CSGALNACT2: variants seen among roughly 807,000 people sequenced by gnomAD.
CSGALNACT2 encodes the protein chondroitin sulfate N-acetylgalactosaminyltransferase 2.
A neutral mutation model predicts 55.3 loss-of-function variants in CSGALNACT2; 35 were observed. That is an observed-to-expected ratio of 0.63 (90% CI 0.48 to 0.84). CSGALNACT2 has a LOEUF of 0.84. Ranked by LOEUF, CSGALNACT2 falls within the 40% of genes least tolerant of loss-of-function variation. The pLI is 0.00. For synonymous variants in CSGALNACT2, 196 were observed against 224.9 expected (o/e 0.87, Z 1.15); for missense variants, 544 against 657.5 (o/e 0.83, Z 1.89).
intron 2 of CSGALNACT2, among the ~76,000 whole-genome samples, chr10:43,157,139 C>G (rs993186801): frequency 6.6e-6 from 1 of 152,190 alleles, no homozygotes; most frequent in Admixed American, 6.5e-5. Flanking sequence ...TTTCTGCAAG[C>G]TCAGCTTTTT....
intron 6 of CSGALNACT2, among the ~76,000 whole-genome samples, chr10:43,170,890 C>T (rs1178261073): frequency 3.3e-5 from 5 of 152,114 alleles, no homozygotes; most frequent in African/African-American, 2.4e-5. Context: ...TGCAGCAAGC[C>T]CACATTGAGG....
intron 6 of CSGALNACT2, among the ~76,000 whole-genome samples, chr10:43,174,071 C>T (rs1486646387): frequency 2.0e-5 from 3 of 151,966 alleles, no homozygotes; most frequent in Non-Finnish European, 4.4e-5. Context: ...TTATTCAACA[C>T]GTATTTATTG....
intron 7 of CSGALNACT2, among the ~76,000 whole-genome samples, chr10:43,182,808 G>A (rs1357845031): frequency 5.3e-5 from 8 of 150,536 alleles, no homozygotes; most frequent in Non-Finnish European, 7.4e-5. Flanking sequence ...CACGGAGGTC[G>A]ATGCTGCAGT....
At chr10:43,145,705 C>T (rs963937890) in intron 1 of CSGALNACT2, among the ~76,000 whole-genome samples, 1 of 152,102 alleles carries the variant, frequency 6.6e-6, no homozygotes, top group Non-Finnish European at 1.5e-5. Context: ...CCATGCCCAG[C>T]CTGATTTTTC....
At chr10:43,174,795 C>T (rs1839447757) in intron 6 of CSGALNACT2, among the ~76,000 whole-genome samples, 2 of 152,190 alleles carry the variant, frequency 1.3e-5, no homozygotes, top group South Asian at 4.1e-4. Context: ...ACTATTTTCC[C>T]ACCCAAACAA....
intron 6 of CSGALNACT2, among the ~76,000 whole-genome samples, chr10:43,168,673 GACACAC>G (rs55776451): frequency 0.42 from 62,387 of 147,724 alleles, 13,049 homozygotes; most frequent in Middle Eastern, 0.49. Context: ...AGTACACACA[GACACAC>G]ACACACACAC....
chr10:43,142,551 C>A (rs1838652378), intron 1 of CSGALNACT2, among the ~76,000 whole-genome samples: 1 of 152,178 alleles, frequency 6.6e-6, no homozygotes, highest in Non-Finnish European at 1.5e-5. Flanking sequence ...GCTTCATGAC[C>A]CATGAAAATT....
chr10:43,181,651 A>T (rs2435382), intron 7 of CSGALNACT2, among the ~76,000 whole-genome samples: 36,207 of 150,576 alleles, frequency 0.24, 4,526 homozygotes, highest in Non-Finnish European at 0.28. Context: ...GGTGGCTCGA[A>T]CTTGTGGTCC....
chr10:43,139,780 C>T lies in CSGALNACT2; in HGVS notation c.-254+1213C>T, dbSNP rs935918723. ...CTCAGCATATTGTTTGTGGGACACA[C>T]CCATGCTATTTCATGGTATTGTATT... On this transcript the variant is annotated intron_variant, in intron 1 of 7. Transcript: ENST00000374466. Among the ~76,000 whole-genome samples, 4 of 152,334 alleles carry T rather than the reference C, an allele frequency of 2.6e-5. No individual in the cohort carries two copies. In the East Asian group the frequency reaches 7.7e-4, roughly 29 times the overall value.
chr10:43,145,750 T>A (rs936728108), intron 1 of CSGALNACT2, among the ~76,000 whole-genome samples: 1 of 152,182 alleles, frequency 6.6e-6, no homozygotes, highest in African/African-American at 2.4e-5. Context: ...TAACCAAAGT[T>A]TACATTTGCA....
At position 43,158,316 on chromosome 10, in the gene CSGALNACT2, C is replaced by T. The variant is rs183378476; in HGVS notation, c.662-399C>T. Among the ~76,000 whole-genome samples the T allele has an allele frequency of 5.7e-4, 87 of 152,210 alleles. 1 individual carries two copies. The highest frequency in any genetic ancestry group is 3.4e-3 in the Middle Eastern group (1 of 294). ...CACTCTTTGTATCACATAACTGACA[C>T]GAAGGCACTCGATTTCTTTTAGTTG... On this transcript the variant is annotated intron_variant, in intron 2 of 7. Transcript: ENST00000374466.
chr10:43,169,732 T>C (rs1001188748), intron 6 of CSGALNACT2, among the ~76,000 whole-genome samples: 4 of 152,186 alleles, frequency 2.6e-5, no homozygotes, highest in Non-Finnish European at 4.4e-5. Context: ...TTCTGGTGTT[T>C]GGAGAACAAC....
intron 6 of CSGALNACT2, among the ~76,000 whole-genome samples, chr10:43,174,438 A>G (rs946465036): frequency 5.3e-5 from 8 of 152,112 alleles, no homozygotes; most frequent in African/African-American, 1.9e-4. Flanking sequence ...ACTCAGATTC[A>G]TTATGGCCAG....
chr10:43,155,880 T>C, intron 2 of CSGALNACT2, 70 bp downstream of exon 2: 1 of 1,224,600 alleles, frequency 8.2e-7, no homozygotes, highest in Non-Finnish European at 1.2e-6. Flanking sequence ...GCTGGTATTG[T>C]ATTGTAGTAT....
chr10:43,182,228 C>A (rs938941869), intron 7 of CSGALNACT2, among the ~76,000 whole-genome samples: 2 of 152,010 alleles, frequency 1.3e-5, no homozygotes, highest in African/African-American at 4.8e-5. Context: ...CCAGTCAGTT[C>A]TTCTTAAATT....
intron 1 of CSGALNACT2, among the ~76,000 whole-genome samples, chr10:43,143,748 C>T (rs1838683485): frequency 6.6e-6 from 1 of 152,070 alleles, no homozygotes; most frequent in Non-Finnish European, 1.5e-5. Context: ...AATCCAGGTA[C>T]CATGATTATA....
chr10:43,163,537 A>G, intron 4 of CSGALNACT2: 2 of 985,422 alleles, frequency 2.0e-6, no homozygotes, highest in East Asian at 2.3e-4. Context: ...TCCATTTAGA[A>G]TGCATTATTA....
At chr10:43,178,429 T>G (rs367545133) in intron 7 of CSGALNACT2, among the ~76,000 whole-genome samples, 1 of 152,166 alleles carries the variant, frequency 6.6e-6, no homozygotes, top group South Asian at 2.1e-4. Context: ...AAGATCATCC[T>G]GGCTAACAAG....
At chr10:43,176,151 A>G in intron 7 of CSGALNACT2, 119 bp downstream of exon 7, 1 of 679,328 alleles carries the variant, frequency 1.5e-6, no homozygotes, top group Non-Finnish European at 2.4e-6. Flanking sequence ...AAGGTTAGCT[A>G]AAAAGAGAAA....
Sources: gnomAD v4.1 joint callset for allele counts (sites outside exome capture counted in the v4.1 genomes callset) on GRCh38, gnomAD v4.1.1 for gene constraint, MANE v1.5 for transcripts, NCBI Gene and HGNC (gene_info 2026-07-23, HGNC 2026-07-21) for gene names.